The following CORO1C variants were observed in gnomAD, a reference collection of about 807,000 sequenced individuals.
The protein encoded by CORO1C is coronin 1C.
Under a neutral mutation model 51.2 loss-of-function variants are expected in CORO1C, and 14 were observed. The observed-to-expected ratio is 0.27, with a 90% CI of 0.18 to 0.43. The LOEUF (loss-of-function observed/expected upper bound fraction) is 0.43, where lower values mean the gene tolerates loss of function less well. Among genes scored for constraint, CORO1C ranks in the 20% least tolerant of loss-of-function variants. The pLI, the probability that CORO1C is intolerant of heterozygous loss-of-function variation, is 1.00. For synonymous variants in CORO1C, 181 were observed against 210.5 expected (o/e 0.86, Z 1.21); for missense variants, 417 against 607.8 (o/e 0.69, Z 3.30).
rs115515605 is a variant in CORO1C, at chr12:108,684,678, C to T, written c.196-6284G>A. Among the ~76,000 whole-genome samples the T allele has an allele frequency of 5.5e-3, 832 of 152,032 alleles. 7 individuals carry two copies. Among genetic ancestry groups the T allele is most frequent in the African/African-American group, 0.019 (781 of 41,454 alleles). On this transcript the variant is annotated intron_variant, in intron 2 of 10. Transcript: ENST00000261401. Reference sequence around the variant, plus strand: ...AAAATAAATAAGAATGGTATTCTACCTGTATCTGTTATGCTTTATTACTTT... The same window carrying T: ...AAAATAAATAAGAATGGTATTCTACTTGTATCTGTTATGCTTTATTACTTT...
chr12:108,671,872 C>A (rs896709881), intron 3 of CORO1C, among the ~76,000 whole-genome samples: 2 of 152,130 alleles, frequency 1.3e-5, no homozygotes, highest in South Asian at 4.1e-4. Flanking sequence ...AAGAGGTCCT[C>A]CCACCTCAGG....
chr12:108,674,489 A>C (rs1223200337), intron 3 of CORO1C, among the ~76,000 whole-genome samples: 1 of 151,180 alleles, frequency 6.6e-6, no homozygotes, highest in African/African-American at 2.4e-5. Context: ...CGGAGGTTGC[A>C]GTGAGCCGAG....
chr12:108,678,117 G>A (rs759506129), intron 3 of CORO1C, among the ~76,000 whole-genome samples, 155 bp downstream of exon 3: 9 of 152,082 alleles, frequency 5.9e-5, no homozygotes, highest in South Asian at 2.1e-4. Context: ...AAACTTAAAC[G>A]TAGTAAATTA....
At chr12:108,660,977 T>C (rs1177112647) in intron 4 of CORO1C, among the ~76,000 whole-genome samples, 1 of 152,246 alleles carries the variant, frequency 6.6e-6, no homozygotes, top group Admixed American at 6.5e-5. Context: ...TCCTCCTTTT[T>C]ACTGGTGAGG....
rs778446633 is a variant in CORO1C at position 108,658,925 on chromosome 12, A to C, written c.449-6T>G. The C allele has an allele frequency of 6.2e-7, 1 of 1,600,544 alleles. No homozygotes were observed. The highest frequency in any genetic ancestry group is 1.3e-5 in the African/African-American group (1 of 74,712). ...GATAATGGCATTATCACAGCCTAAA[A>C]CAGGCAAAACCATCAGAGATTAGAA... On this transcript the variant is annotated splice_polypyrimidine_tract_variant and splice_region_variant and intron_variant, in intron 4 of 10. Transcript: ENST00000261401. This position sits in a 1 kb window ranked among gnomAD's most constrained non-coding sequence, Gnocchi z 4.9.
At chr12:108,686,010 G>A (rs191451740) in intron 2 of CORO1C, among the ~76,000 whole-genome samples, 21 of 152,222 alleles carry the variant, frequency 1.4e-4, no homozygotes, top group African/African-American at 4.6e-4. Flanking sequence ...ATCAGCATAC[G>A]TTATTAAAAA....
chr12:108,704,886 T>A (rs1389628429), intron 1 of CORO1C, among the ~76,000 whole-genome samples: 1 of 152,198 alleles, frequency 6.6e-6, no homozygotes. Flanking sequence ...AGTCACTAAG[T>A]CTCCATTAAG....
At chr12:108,669,572 T>C (rs1258976865) in intron 3 of CORO1C, among the ~76,000 whole-genome samples, 1 of 151,864 alleles carries the variant, frequency 6.6e-6, no homozygotes, top group Non-Finnish European at 1.5e-5. Context: ...CTTGATATCC[T>C]TCTTCTACTA....
intron 3 of CORO1C, 85 bp downstream of exon 3, chr12:108,678,187 C>T (rs1013616130): frequency 1.6e-6 from 2 of 1,288,640 alleles, no homozygotes; most frequent in African/African-American, 3.0e-5. Flanking sequence ...AGCCTCTATA[C>T]ATACACACAC....
intron 2 of CORO1C, among the ~76,000 whole-genome samples, chr12:108,689,032 G>GA (rs11449783): frequency 0.57 from 63,132 of 110,152 alleles, 17,950 homozygotes; most frequent in East Asian, 0.99. Context: ...CTCTGTCTCA[G>GA]AAAAAAAAAA....
intron 3 of CORO1C, among the ~76,000 whole-genome samples, chr12:108,666,031 G>A (rs1365015125): frequency 2.0e-5 from 3 of 152,216 alleles, no homozygotes; most frequent in South Asian, 2.1e-4. Flanking sequence ...TAAGCCGACC[G>A]CACTACTACG....
chr12:108,714,998 C>T (rs796800705), intron 1 of CORO1C, among the ~76,000 whole-genome samples: 3 of 152,042 alleles, frequency 2.0e-5, no homozygotes, highest in Admixed American at 1.3e-4. Context: ...AAATGACTGC[C>T]GAAAATCAAG....
At chr12:108,702,955 G>A (rs939976158) in intron 1 of CORO1C, 3 of 1,525,582 alleles carry the variant, frequency 2.0e-6, no homozygotes, top group Non-Finnish European at 2.6e-6. Flanking sequence ...TACATTTTGA[G>A]TCTTTGGTAG....
chr12:108,679,564 A>G (rs1288742824), intron 2 of CORO1C, among the ~76,000 whole-genome samples: 1 of 152,240 alleles, frequency 6.6e-6, no homozygotes, highest in Non-Finnish European at 1.5e-5. Context: ...GAAAGGAACC[A>G]CTGCAATGTA....
Position 108,648,661 on chromosome 12 carries a change from T to A in CORO1C, c.1249A>T (p.Asn417Tyr). 1 of 1,614,252 alleles carries A rather than the reference T, an allele frequency of 6.2e-7. No homozygotes were observed. Among genetic ancestry groups the A allele is most frequent in the Non-Finnish European group, 8.5e-7 (1 of 1,180,048 alleles). ...KNILDSKPTA[N>Y]KKCDLISIPK... ...ATGCTGATCAGGTCGCACTTCTTGT[T>A]TGCAGTGGGCTTGCTATCCAGAATG... Residue 417 changes from asparagine to tyrosine, a missense_variant, in exon 10 of 11, where the codon AAC becomes TAC. By Grantham distance (143) the Asn-to-Tyr change is moderately radical (BLOSUM62 -2). Transcript: ENST00000261401.
chr12:108,694,416 ATAGT>A (rs1267358876), intron 2 of CORO1C, among the ~76,000 whole-genome samples: 1 of 152,200 alleles, frequency 6.6e-6, no homozygotes, highest in Non-Finnish European at 1.5e-5. Context: ...CATTTAAGCA[ATAGT>A]TAGCTCTTTA....
At chr12:108,673,058 A>G (rs937413731) in intron 3 of CORO1C, among the ~76,000 whole-genome samples, 3 of 152,180 alleles carry the variant, frequency 2.0e-5, no homozygotes, top group Admixed American at 2.0e-4. Flanking sequence ...GAAGAGTTGC[A>G]CATTTCTCAC....
At chr12:108,665,102 C>T (rs1045870541) in intron 3 of CORO1C, among the ~76,000 whole-genome samples, 3 of 152,116 alleles carry the variant, frequency 2.0e-5, no homozygotes, top group Non-Finnish European at 4.4e-5. Context: ...ACTAATGAGA[C>T]GTGGAGTGAT....
intron 9 of CORO1C, 52 bp downstream of exon 9, chr12:108,648,911 T>A: frequency 6.2e-7 from 1 of 1,611,592 alleles, no homozygotes; most frequent in Non-Finnish European, 8.5e-7. Context: ...TTTTTGAATT[T>A]TATTTTTACA....
Sources: gnomAD v4.1 joint callset for allele counts (sites outside exome capture counted in the v4.1 genomes callset) on GRCh38, gnomAD v4.1.1 for gene constraint, Gnocchi (gnomAD v3.1) non-coding constraint, MANE v1.5 for transcripts, NCBI Gene and HGNC (gene_info 2026-07-23, HGNC 2026-07-21) for gene names.